Variants in SYT9 observed in about 807,000 individuals in gnomAD.
The protein encoded by SYT9 is synaptotagmin 9.
Under a neutral mutation model 48.4 loss-of-function variants are expected in SYT9, and 22 were observed. The observed-to-expected ratio is 0.45, with a 90% CI of 0.32 to 0.65. SYT9 has a LOEUF of 0.65. SYT9 is among the 30% of genes least tolerant of loss of function. The pLI, the probability that SYT9 is intolerant of heterozygous loss-of-function variation, is 0.03. For missense variants in SYT9, 577 were observed against 622.0 expected (o/e 0.93, Z 0.77); for synonymous variants, 265 against 245.0 (o/e 1.08, Z -0.76).
intron 6 of SYT9, among the ~76,000 whole-genome samples, chr11:7,422,195 G>T (rs138688498): frequency 5.9e-5 from 9 of 152,312 alleles, no homozygotes; most frequent in African/African-American, 2.2e-4. Context: ...GAGAGGCAGA[G>T]AGGCAGAGAG....
chr11:7,365,468 G>A (rs1390279225), intron 3 of SYT9, among the ~76,000 whole-genome samples: 1 of 152,104 alleles, frequency 6.6e-6, no homozygotes, highest in Admixed American at 6.5e-5. Flanking sequence ...TTCTTTAACT[G>A]TAGTTGGTAT....
chr11:7,391,735 TAAAAAAAAAA>T (rs71059104), intron 3 of SYT9, among the ~76,000 whole-genome samples: 26 of 35,936 alleles, frequency 7.2e-4, no homozygotes, highest in South Asian at 2.1e-3. Context: ...ACCCCATCTC[TAAAAAAAAAA>T]AAAAAAAAAA....
intron 3 of SYT9, among the ~76,000 whole-genome samples, chr11:7,369,596 G>T (rs1416858016): frequency 6.6e-6 from 1 of 151,998 alleles, no homozygotes; most frequent in Non-Finnish European, 1.5e-5. Flanking sequence ...TTCTTCTGGG[G>T]TTTTTATGGT....
intron 6 of SYT9, among the ~76,000 whole-genome samples, chr11:7,455,777 T>G (rs914484714): frequency 2.6e-5 from 4 of 152,210 alleles, no homozygotes; most frequent in African/African-American, 9.6e-5. Context: ...GGGTTGGTAC[T>G]TAGTCCCTCA....
upstream of SYT9, among the ~76,000 whole-genome samples, chr11:7,250,787 C>T (rs919332632): frequency 6.6e-6 from 1 of 151,988 alleles, no homozygotes; most frequent in African/African-American, 2.4e-5. Flanking sequence ...GTGATATGTC[C>T]GTAGAGACGG....
At chr11:7,420,696 C>T (rs1159970112) in intron 6 of SYT9, 61 bp downstream of exon 6, 1 of 1,595,932 alleles carries the variant, frequency 6.3e-7, no homozygotes, top group African/African-American at 1.3e-5. Flanking sequence ...TGTTGAAATG[C>T]AGGAGCTGCC....
At chr11:7,350,121 C>T (rs78927810) in intron 3 of SYT9, among the ~76,000 whole-genome samples, 18 of 152,220 alleles carry the variant, frequency 1.2e-4, no homozygotes, top group East Asian at 9.7e-4. Context: ...TCAGGCTGGC[C>T]GGACAGATTT....
Position 7,251,945 on chromosome 11 carries a change from A to C in SYT9, c.-242A>C. 1 of 410,880 alleles carries C rather than the reference A, an allele frequency of 2.4e-6. No individual in the cohort carries two copies. Among genetic ancestry groups the C allele is most frequent in the Non-Finnish European group, 4.3e-6 (1 of 233,130 alleles). The allele number at this position is 410,880 out of a possible 1,614,324, so 25.5% of individuals were successfully genotyped here. On this transcript the variant is annotated 5_prime_UTR_variant, in exon 1 of 7. Transcript: ENST00000318881. ...CACCGCCTCTCCTCGGTGTCTGGGGAGGGACGGAGGGACCGGGCGGGAGAG... is the reference window on the plus strand; with the variant it reads ...CACCGCCTCTCCTCGGTGTCTGGGGCGGGACGGAGGGACCGGGCGGGAGAG...
intron 3 of SYT9, among the ~76,000 whole-genome samples, chr11:7,398,758 G>C (rs191150663): frequency 6.6e-6 from 1 of 152,240 alleles, no homozygotes; most frequent in Admixed American, 6.5e-5. Flanking sequence ...AAAACATGTT[G>C]AGTGCCAACA....
At chr11:7,243,335 T>A (rs1160301961) in intron 1 of SYT9, among the ~76,000 whole-genome samples, 1 of 152,200 alleles carries the variant, frequency 6.6e-6, no homozygotes, top group African/African-American at 2.4e-5. Flanking sequence ...TTGATTAATG[T>A]GATTAAGCAC....
At chr11:7,276,219 A>G (rs1848390023) in intron 1 of SYT9, among the ~76,000 whole-genome samples, 1 of 152,102 alleles carries the variant, frequency 6.6e-6, no homozygotes, top group African/African-American at 2.4e-5. Context: ...AACAGTCACC[A>G]GTTCCCGCCA....
chr11:7,350,684 A>T (rs116784852), intron 3 of SYT9, among the ~76,000 whole-genome samples: 3,766 of 152,054 alleles, frequency 0.025, 116 homozygotes, highest in African/African-American at 0.067. Context: ...TCTCCTCTCA[A>T]TGCCCACTGC....
At chr11:7,347,828 C>T (rs901875913) in intron 3 of SYT9, among the ~76,000 whole-genome samples, 4 of 152,108 alleles carry the variant, frequency 2.6e-5, no homozygotes, top group African/African-American at 9.7e-5. Flanking sequence ...CCTCCTGAAG[C>T]ATTTGTTCTT....
In SYT9 at chr11:7,432,579, AAAAATATATATACATAT is replaced by A. The variant is rs1847616774; in HGVS notation, c.1467+11946_1467+11962del. Among the ~76,000 whole-genome samples, 27 of 7,160 alleles carry A rather than the reference AAAAATATATATACATAT, an allele frequency of 3.8e-3. 2 individuals carry two copies. The highest frequency in any genetic ancestry group is 8.8e-3 in the South Asian group (1 of 114). 4.7% of individuals were successfully genotyped at this position (7,160 alleles called of 152,430 possible). A position where few individuals can be genotyped will look rare whatever the true frequency, so the allele number is the denominator to read the frequency against. On this transcript the variant is annotated intron_variant, in intron 6 of 6. Transcript: ENST00000318881. ...AAAAAAAAAAAAAAAAAAAAAAAAA[AAAAATATATATACATAT>A]ATATATATATATATATATATATATA...
chr11:7,396,721 A>G (rs1229714627), intron 3 of SYT9, among the ~76,000 whole-genome samples: 2 of 152,154 alleles, frequency 1.3e-5, no homozygotes, highest in Non-Finnish European at 2.9e-5. Context: ...CACATCCTAC[A>G]CAACAATTCA....
intron 6 of SYT9, chr11:7,435,014 C>G (rs1476409105): frequency 6.6e-6 from 1 of 152,090 alleles, no homozygotes; most frequent in Non-Finnish European, 1.5e-5. Flanking sequence ...GAATGAGGAT[C>G]CAGGGATCCT....
At chr11:7,334,801 A>T (rs918880819) in intron 3 of SYT9, among the ~76,000 whole-genome samples, 1 of 152,212 alleles carries the variant, frequency 6.6e-6, no homozygotes, top group South Asian at 2.1e-4. Flanking sequence ...TTCATGTTGT[A>T]TGTATTAATA....
intron 3 of SYT9, among the ~76,000 whole-genome samples, chr11:7,411,557 T>G (rs2134090080): frequency 6.6e-6 from 1 of 152,340 alleles, no homozygotes; most frequent in East Asian, 1.9e-4. Flanking sequence ...TCTCTTGCCC[T>G]GTATTGTTTC....
chr11:7,279,483 G>A (rs541057949), intron 1 of SYT9, among the ~76,000 whole-genome samples: 2 of 152,172 alleles, frequency 1.3e-5, no homozygotes, highest in African/African-American at 2.4e-5. Context: ...TTAAGGCAGC[G>A]GGAAGCTTAG....
Sources: allele counts gnomAD v4.1 joint callset (sites outside exome capture counted in the v4.1 genomes callset), GRCh38; gene constraint gnomAD v4.1.1; transcripts MANE v1.5; gene names NCBI Gene and HGNC (gene_info 2026-07-23, HGNC 2026-07-21).